Variants in MARK3 observed in about 807,000 individuals in gnomAD.
MARK3 encodes MAP/microtubule affinity-regulating kinase 3.
MARK3 carries 46 observed loss-of-function variants against 90.1 expected under a neutral mutation model. The ratio of observed to expected loss-of-function variants is 0.51; its 90% CI spans 0.40 to 0.65. MARK3 has a LOEUF of 0.65. MARK3 is among the 30% of genes least tolerant of loss of function. MARK3 has a pLI of 0.00. For missense variants in MARK3, 818 were observed against 947.2 expected (o/e 0.86, Z 1.79); for synonymous variants, 321 against 332.6 (o/e 0.97, Z 0.38).
chr14:103,472,346 C>G (rs1363294337), intron 12 of MARK3, among the ~76,000 whole-genome samples: 3 of 151,742 alleles, frequency 2.0e-5, no homozygotes, highest in Non-Finnish European at 2.9e-5. Flanking sequence ...AAAAGACTTA[C>G]AAATTTGATT....
At chr14:103,436,912 G>A (rs2092729595) in intron 3 of MARK3, among the ~76,000 whole-genome samples, 2 of 152,148 alleles carry the variant, frequency 1.3e-5, no homozygotes, top group South Asian at 4.1e-4. Context: ...CGAACATGGT[G>A]AAACCCCGTC....
intron 1 of MARK3, among the ~76,000 whole-genome samples, chr14:103,387,851 TA>T (rs2089932232): frequency 6.6e-6 from 1 of 152,020 alleles, no homozygotes; most frequent in Non-Finnish European, 1.5e-5. Flanking sequence ...TGAACCAGAG[TA>T]GGAGCTCCAT....
At chr14:103,411,093 T>C (rs1293217239) in intron 2 of MARK3, among the ~76,000 whole-genome samples, 1 of 152,074 alleles carries the variant, frequency 6.6e-6, no homozygotes, top group East Asian at 1.9e-4. Flanking sequence ...GATAACACGG[T>C]GAAACCCTGT....
In MARK3 at chr14:103,428,404, T is replaced by C. The variant is rs757308594; in HGVS notation, c.261T>C (p.Ile87=). ...LTGREVAIKI[I]DKTQLNPTSL... ...CTTTCTAGGTTGCAATAAAAATAAT[T>C]GACAAAACTCAGTTGAATCCAACAA... is the stretch of plus-strand genomic sequence containing the variant. Residue 87 remains isoleucine (I), a synonymous_variant, in exon 3 of 18, where the codon ATT becomes ATC. Transcript: ENST00000429436. The C allele has an allele frequency of 2.7e-6, 4 of 1,487,230 alleles. No individual in the cohort carries two copies. The highest frequency in any genetic ancestry group is 2.5e-5 in the South Asian group (2 of 78,772). The allele number at this position is 1,487,230 out of a possible 1,614,324, so 92.1% of individuals were successfully genotyped here.
At chr14:103,457,814 A>C (rs996763578) in intron 6 of MARK3, among the ~76,000 whole-genome samples, 1 of 152,232 alleles carries the variant, frequency 6.6e-6, no homozygotes, top group Admixed American at 6.5e-5. Flanking sequence ...CTTGTGAGTT[A>C]AGGACTGTTA....
chr14:103,386,162 C>G (rs2089773051), intron 1 of MARK3, 82 bp downstream of exon 1: 1 of 1,318,214 alleles, frequency 7.6e-7, no homozygotes, highest in Non-Finnish European at 1.1e-6. Flanking sequence ...GTCGGGTGTT[C>G]CCCCCAGCCG....
At chr14:103,428,571 G>A in intron 3 of MARK3, 131 bp downstream of exon 3, 2 of 614,392 alleles carry the variant, frequency 3.3e-6, no homozygotes, top group South Asian at 4.0e-5. Flanking sequence ...TCAAATGAAT[G>A]CAACTTAATG....
Position 103,400,969 on chromosome 14 carries a change from GTGTGTGTGTGTGTA to G in MARK3, c.52-4104_52-4091del, listed in dbSNP as rs1363860503. ...TGTGTGTGTGTGTGTGTGTGTGTGTGTGTGTGTGTGTGTATGCAGGTTGTTTATTGGCTCCTTAG... is the reference window on the plus strand; with the variant it reads ...TGTGTGTGTGTGTGTGTGTGTGTGTGTGCAGGTTGTTTATTGGCTCCTTAG... On this transcript the variant is annotated intron_variant, in intron 1 of 17. Coordinates refer to ENST00000429436, the MANE Select transcript of MARK3 (RefSeq NM_001128918.3). Among the ~76,000 whole-genome samples the G allele has an allele frequency of 4.3e-4, 64 of 149,724 alleles. 1 individual carries two copies. The highest frequency in any genetic ancestry group is 1.4e-3 in the African/African-American group (57 of 40,282).
chr14:103,387,183 G>GTCC (rs1206256025), intron 1 of MARK3, among the ~76,000 whole-genome samples: 1 of 152,192 alleles, frequency 6.6e-6, no homozygotes, highest in Admixed American at 6.5e-5. Context: ...CTGAGATGTT[G>GTCC]TGGCCTAGTG....
intron 3 of MARK3, among the ~76,000 whole-genome samples, chr14:103,447,537 A>G (rs2093026910): frequency 6.6e-6 from 1 of 152,076 alleles, no homozygotes; most frequent in African/African-American, 2.4e-5. Flanking sequence ...CACATTCCCC[A>G]CAGAAGGATA....
chr14:103,400,981 G>GTA (rs1388378178), intron 1 of MARK3, among the ~76,000 whole-genome samples: 17 of 144,732 alleles, frequency 1.2e-4, no homozygotes, highest in Non-Finnish European at 1.9e-4. Context: ...GTGTGTGTGT[G>GTA]TATGCAGGTT....
chr14:103,483,002 T>G (rs1209255434), intron 14 of MARK3, among the ~76,000 whole-genome samples: 4 of 152,220 alleles, frequency 2.6e-5, no homozygotes, highest in Non-Finnish European at 5.9e-5. Flanking sequence ...ATTTGGACTT[T>G]CCTTTCCTAT....
At chr14:103,405,344 G>T (rs921655182) in intron 2 of MARK3, 77 bp downstream of exon 2, 2 of 1,146,540 alleles carry the variant, frequency 1.7e-6, no homozygotes, top group Non-Finnish European at 2.4e-6. Flanking sequence ...AAAGAATATA[G>T]ATATAGGCCT....
chr14:103,411,349 G>A (rs1431555239), intron 2 of MARK3, among the ~76,000 whole-genome samples: 4 of 152,196 alleles, frequency 2.6e-5, no homozygotes, highest in Non-Finnish European at 5.9e-5. Context: ...ACATTTTAAC[G>A]TTTAATTCAT....
chr14:103,496,270 C>G (rs1399735313), intron 15 of MARK3, among the ~76,000 whole-genome samples: 2 of 152,082 alleles, frequency 1.3e-5, no homozygotes, highest in Non-Finnish European at 2.9e-5. Flanking sequence ...ACCAGTAACC[C>G]TGATTTTTCC....
chr14:103,480,306 T>C (rs2093798167), intron 13 of MARK3, 81 bp from the exon 14 acceptor site: 3 of 836,090 alleles, frequency 3.6e-6, no homozygotes, highest in Non-Finnish European at 5.9e-6. Context: ...CTGACATTCC[T>C]ATTTATGTAG....
chr14:103,490,949 C>CG, intron 14 of MARK3: 1 of 1,270,968 alleles, frequency 7.9e-7, no homozygotes, highest in Non-Finnish European at 1.0e-6. Context: ...AAACCCCTCC[C>CG]AGCCTGACAG....
intron 14 of MARK3, chr14:103,489,391 C>T (rs1041167755): frequency 1.5e-4 from 23 of 152,248 alleles, no homozygotes; most frequent in African/African-American, 4.8e-4. Context: ...CACTCCAAGT[C>T]GAGGAGACTG....
At chr14:103,499,814 T>G (rs931114203) in intron 16 of MARK3, 2 of 266,066 alleles carry the variant, frequency 7.5e-6, no homozygotes, top group Admixed American at 5.2e-5. Context: ...TGAGGCCGAG[T>G]GTGCTCAGGC....
Sources: allele counts gnomAD v4.1 joint callset (sites outside exome capture counted in the v4.1 genomes callset), GRCh38; gene constraint gnomAD v4.1.1; transcripts MANE v1.5; gene names NCBI Gene and HGNC (gene_info 2026-07-23, HGNC 2026-07-21).